The following CCDC7 variants were observed in gnomAD, a reference collection of about 807,000 sequenced individuals.
CCDC7 encodes coiled-coil domain-containing protein 7.
Under a neutral mutation model 196.9 loss-of-function variants are expected in CCDC7, and 183 were observed. The ratio of observed to expected loss-of-function variants is 0.93; its 90% CI spans 0.82 to 1.05. CCDC7 has a LOEUF of 1.05. Ranked by LOEUF, CCDC7 falls within the 50% of genes least tolerant of loss-of-function variation. CCDC7 has a pLI of 0.00. For missense variants in CCDC7, 1,540 were observed against 1,482.2 expected (o/e 1.04, Z -0.64); for synonymous variants, 525 against 484.6 (o/e 1.08, Z -1.10).
intron 11 of CCDC7, among the ~76,000 whole-genome samples, chr10:32,532,920 C>T (rs1203722474): frequency 6.6e-6 from 1 of 151,960 alleles, no homozygotes; most frequent in Non-Finnish European, 1.5e-5. Flanking sequence ...TTCAGCCACT[C>T]TATGGGTTTT....
At chr10:32,652,030 A>G (rs971912969) in intron 20 of CCDC7, among the ~76,000 whole-genome samples, 2 of 152,124 alleles carry the variant, frequency 1.3e-5, no homozygotes, top group South Asian at 2.1e-4. Flanking sequence ...TTCCCCTCCT[A>G]TTATTGTATC....
At chr10:32,650,939 G>A (rs1468981843) in intron 20 of CCDC7, among the ~76,000 whole-genome samples, 1 of 152,170 alleles carries the variant, frequency 6.6e-6, no homozygotes, top group Non-Finnish European at 1.5e-5. Context: ...TGGCAGGCAG[G>A]TGGGTCTGCG....
chr10:32,456,490 TC>T (rs2034383604), intron 3 of CCDC7, 156 bp downstream of exon 4: 1 of 576,436 alleles, frequency 1.7e-6, no homozygotes, highest in South Asian at 8.8e-5. Flanking sequence ...TATTTTTTAT[TC>T]TTTTTTTTTA....
At chr10:32,623,885 CTGAG>C (rs1333576304) in intron 18 of CCDC7, 2 of 426,496 alleles carry the variant, frequency 4.7e-6, no homozygotes, top group Non-Finnish European at 9.6e-6. Context: ...TTCGCCTGAA[CTGAG>C]TGAGAACTCA....
At chr10:32,524,738 C>T (rs954422021) in intron 11 of CCDC7, among the ~76,000 whole-genome samples, 2 of 152,172 alleles carry the variant, frequency 1.3e-5, no homozygotes, top group Admixed American at 6.5e-5. Context: ...CACTGAAAGT[C>T]TGCTGCCAGA....
intron 21 of CCDC7, among the ~76,000 whole-genome samples, chr10:32,671,492 C>A (rs183230461): frequency 1.3e-5 from 2 of 152,242 alleles, no homozygotes; most frequent in African/African-American, 2.4e-5. Flanking sequence ...ATATCCCTGT[C>A]ATTAAGTGAC....
chr10:32,848,954 G>A (rs2093424392), intron 39 of CCDC7, among the ~76,000 whole-genome samples: 1 of 151,732 alleles, frequency 6.6e-6, no homozygotes, highest in Non-Finnish European at 1.5e-5. Context: ...GACTTTTTAG[G>A]CTTGAGATTT....
chr10:32,451,983 T>A (rs2033189421), intron 1 of CCDC7, 62 bp downstream of exon 2: 1 of 1,516,244 alleles, frequency 6.6e-7, no homozygotes, highest in Admixed American at 2.2e-5. Flanking sequence ...TTTAGTGATG[T>A]GCTAGGAGGA....
intron 24 of CCDC7, among the ~76,000 whole-genome samples, chr10:32,705,756 C>A (rs1406720194): frequency 6.6e-6 from 1 of 152,134 alleles, no homozygotes; most frequent in East Asian, 1.9e-4. Context: ...ATCAATTCAA[C>A]AAGAAAAGCT....
intron 8 of CCDC7, 146 bp from the exon 10 acceptor site, chr10:32,491,776 A>T: frequency 1.7e-6 from 1 of 579,636 alleles, no homozygotes; most frequent in Non-Finnish European, 2.6e-6. Context: ...TTCTCCTCAT[A>T]AGCATTCTGT....
chr10:32,604,058 C>T (rs1317504036), intron 18 of CCDC7, among the ~76,000 whole-genome samples: 1 of 152,076 alleles, frequency 6.6e-6, no homozygotes, highest in Admixed American at 6.5e-5. Flanking sequence ...CCTGCGTTTT[C>T]TTCTAGTAGT....
At chr10:32,663,061 C>A (rs911265535) in intron 20 of CCDC7, among the ~76,000 whole-genome samples, 2 of 151,726 alleles carry the variant, frequency 1.3e-5, no homozygotes, top group Non-Finnish European at 2.9e-5. Flanking sequence ...ACACTTTCCC[C>A]CTACCCACTT....
At chr10:32,650,821 A>G (rs1036191303) in intron 20 of CCDC7, among the ~76,000 whole-genome samples, 1 of 152,196 alleles carries the variant, frequency 6.6e-6, no homozygotes, top group African/African-American at 2.4e-5. Flanking sequence ...AAGGGCTCCC[A>G]GGATGCCAGA....
intron 32 of CCDC7, among the ~76,000 whole-genome samples, chr10:32,828,517 A>G (rs950389539): frequency 1.3e-5 from 2 of 149,284 alleles, no homozygotes; most frequent in Non-Finnish European, 3.0e-5. Flanking sequence ...GAAGAAGAAG[A>G]AGAAGAAGAA....
intron 31 of CCDC7, among the ~76,000 whole-genome samples, chr10:32,823,352 G>A (rs572413456): frequency 6.6e-6 from 1 of 152,180 alleles, no homozygotes; most frequent in East Asian, 1.9e-4. Flanking sequence ...ATGTTGGCCA[G>A]GCTGGTCTCG....
chr10:32,583,378 T>A (rs2058929405), intron 17 of CCDC7, 71 bp downstream of exon 18: 1 of 992,844 alleles, frequency 1.0e-6, no homozygotes, highest in Admixed American at 4.3e-5. Context: ...TGCTAACCCA[T>A]TTAAATGGGT....
chr10:32,855,713 T>A (rs2093725907), intron 41 of CCDC7, among the ~76,000 whole-genome samples: 1 of 152,174 alleles, frequency 6.6e-6, no homozygotes, highest in Non-Finnish European at 1.5e-5. Flanking sequence ...GTGGCCCAGT[T>A]CCTAATAGGC....
intron 15 of CCDC7, among the ~76,000 whole-genome samples, chr10:32,571,339 A>AAC (rs2057533300): frequency 6.6e-6 from 1 of 151,926 alleles, no homozygotes; most frequent in African/African-American, 2.4e-5. Context: ...TACTTCTGTA[A>AAC]ACATATTTGA....
chr10:32,726,725 A>G lies in CCDC7; in HGVS notation c.2570-9A>G. ...CTAAATGTATCTCTTTATGTGGTTC[A>G]TTTTGTAGTACCAGATAAAAATTCT... On this transcript the variant is annotated splice_polypyrimidine_tract_variant and intron_variant, in intron 25 of 41. Coordinates refer to ENST00000639629, the Ensembl canonical transcript of CCDC7. The G allele has an allele frequency of 6.6e-7, 1 of 1,507,560 alleles. No individual in the cohort carries two copies. Among genetic ancestry groups the G allele is most frequent in the Non-Finnish European group, 9.2e-7 (1 of 1,089,226 alleles). 93.4% of individuals were successfully genotyped at this position (1,507,560 alleles called of 1,614,324 possible).
Sources: allele counts gnomAD v4.1 joint callset (sites outside exome capture counted in the v4.1 genomes callset), GRCh38; gene constraint gnomAD v4.1.1; transcripts MANE v1.5; gene names NCBI Gene and HGNC (gene_info 2026-07-23, HGNC 2026-07-21).